Variants in AAMDC observed in about 807,000 individuals in gnomAD.
The protein encoded by AAMDC is adipogenesis associated Mth938 domain containing.
A neutral mutation model predicts 15.5 loss-of-function variants in AAMDC; 16 were observed. That is an observed-to-expected ratio of 1.03 (90% CI 0.70 to 1.57). The LOEUF (loss-of-function observed/expected upper bound fraction) is 1.57. Ranked by LOEUF, AAMDC falls within the 40% of genes most tolerant of loss-of-function variation. The pLI is 0.00. For missense variants in AAMDC, 141 were observed against 144.9 expected (o/e 0.97, Z 0.14); for synonymous variants, 51 against 51.6 (o/e 0.99, Z 0.05).
At chr11:77,821,967 A>C (rs1948928019) in intron 1 of AAMDC, among the ~76,000 whole-genome samples, 1 of 152,130 alleles carries the variant, frequency 6.6e-6, no homozygotes, top group African/African-American at 2.4e-5. Context: ...TTACTAGATA[A>C]ATCACAGTAA....
chr11:77,876,460 T>C (rs1218783735), downstream of AAMDC, among the ~76,000 whole-genome samples: 1 of 151,486 alleles, frequency 6.6e-6, no homozygotes, highest in Non-Finnish European at 1.5e-5. Context: ...AAAACTAAAA[T>C]TCTCATGTTC....
chr11:77,830,876 C>A (rs1442423040), intron 1 of AAMDC, among the ~76,000 whole-genome samples: 1 of 151,124 alleles, frequency 6.6e-6, no homozygotes, highest in African/African-American at 2.4e-5. Context: ...CACAGTGGCT[C>A]ATACCTGTAA....
At chr11:77,900,399 A>G (rs1952739424) in intron 5 of AAMDC, among the ~76,000 whole-genome samples, 1 of 152,122 alleles carries the variant, frequency 6.6e-6, no homozygotes, top group Non-Finnish European at 1.5e-5. Flanking sequence ...ACACCCGGCC[A>G]CATATGAATA....
intron 1 of AAMDC, chr11:77,841,289 C>T (rs1590938146): frequency 8.6e-6 from 6 of 700,410 alleles, no homozygotes; most frequent in Non-Finnish European, 1.6e-5. Flanking sequence ...AGGGTGCAGA[C>T]ATTCAAACCA....
chr11:77,905,499 G>C (rs1279129565), downstream of AAMDC, among the ~76,000 whole-genome samples: 1 of 151,780 alleles, frequency 6.6e-6, no homozygotes, highest in Admixed American at 6.6e-5. Context: ...GGACTCTCTG[G>C]GTTCTGCTGC....
chr11:77,905,386 G>A (rs1952916038), downstream of AAMDC, among the ~76,000 whole-genome samples: 1 of 151,962 alleles, frequency 6.6e-6, no homozygotes, highest in Non-Finnish European at 1.5e-5. Context: ...GAACCCAAGA[G>A]GCAGAGGTTG....
intron 1 of AAMDC, among the ~76,000 whole-genome samples, chr11:77,835,013 T>C (rs1237272369): frequency 6.6e-6 from 1 of 152,216 alleles, no homozygotes; most frequent in Non-Finnish European, 1.5e-5. Flanking sequence ...ATCTGATTTA[T>C]AAGGATAAAT....
chr11:77,872,265 T>G lies in AAMDC; in HGVS notation c.319T>G (p.Leu107Val). ...GCAGGCAGTGAAGGAGTATAATGCC[T>G]TGGTTGCCCAAGGGGTCAGGGTGGG... ...TEQAVKEYNALVAQGVRVGGV... is the reference protein window; with the variant it reads ...TEQAVKEYNAVVAQGVRVGGV... The change falls in exon 4 of 4, where the codon TTG becomes GTG. Residue 107 changes from leucine to valine, a missense_variant. Physicochemically the swap from Leu to Val is conservative, Grantham distance 32. Transcript: ENST00000393427. 1 of 1,613,602 alleles carries G rather than the reference T, an allele frequency of 6.2e-7. No homozygotes were observed. Among genetic ancestry groups the G allele is most frequent in the Non-Finnish European group, 8.5e-7 (1 of 1,179,772 alleles).
intron 1 of AAMDC, among the ~76,000 whole-genome samples, chr11:77,823,655 C>T (rs1949041934): frequency 6.6e-6 from 1 of 150,802 alleles, no homozygotes. Context: ...ATAATTTGAC[C>T]CAGAATACAG....
chr11:77,893,710 T>G (rs1377096844), intron 5 of AAMDC, among the ~76,000 whole-genome samples: 2 of 152,072 alleles, frequency 1.3e-5, no homozygotes, highest in Middle Eastern at 3.4e-3. Context: ...CTGGCCAACA[T>G]GATGAAACCC....
intron 5 of AAMDC, among the ~76,000 whole-genome samples, chr11:77,886,448 G>T (rs1489741267): frequency 6.6e-6 from 1 of 152,170 alleles, no homozygotes; most frequent in Non-Finnish European, 1.5e-5. Flanking sequence ...CCCGCGGCGG[G>T]TGTTGATGCC....
At chr11:77,863,865 G>A (rs1282811178) in intron 2 of AAMDC, among the ~76,000 whole-genome samples, 1 of 151,894 alleles carries the variant, frequency 6.6e-6, no homozygotes, top group African/African-American at 2.4e-5. Context: ...TCTTATTACG[G>A]GATTAAAATT....
intron 2 of AAMDC, among the ~76,000 whole-genome samples, chr11:77,858,972 CCTGA>C (rs573585077): frequency 3.1e-4 from 47 of 152,244 alleles, no homozygotes; most frequent in Non-Finnish European, 5.6e-4. Flanking sequence ...CTTTACAGGC[CCTGA>C]CTATCTGCTT....
chr11:77,885,365 C>A (rs942165323), intron 5 of AAMDC, among the ~76,000 whole-genome samples: 1 of 152,086 alleles, frequency 6.6e-6, no homozygotes, highest in African/African-American at 2.4e-5. Context: ...GCGTGAGCCA[C>A]CACACCTGGC....
At chr11:77,890,033 C>T (rs1016508730) in intron 5 of AAMDC, among the ~76,000 whole-genome samples, 1 of 152,138 alleles carries the variant, frequency 6.6e-6, no homozygotes, top group African/African-American at 2.4e-5. Context: ...TCCATAGGCC[C>T]TATTCTCAGG....
At chr11:77,883,335 C>T (rs544723101) in intron 5 of AAMDC, among the ~76,000 whole-genome samples, 1 of 152,272 alleles carries the variant, frequency 6.6e-6, no homozygotes, top group Admixed American at 6.5e-5. Context: ...GAAATGTAAT[C>T]TCCTTTGTAC....
chr11:77,868,309 C>A (rs1184968551), intron 2 of AAMDC, among the ~76,000 whole-genome samples: 1 of 151,594 alleles, frequency 6.6e-6, no homozygotes, highest in Admixed American at 6.6e-5. Flanking sequence ...CCCGCCTCAG[C>A]CTCCCAAAGT....
downstream of AAMDC, among the ~76,000 whole-genome samples, chr11:77,873,996 A>C (rs1418984321): frequency 6.6e-6 from 1 of 152,242 alleles, no homozygotes; most frequent in African/African-American, 2.4e-5. Context: ...TACAGGGACC[A>C]ATCTATAGAC....
At chr11:77,885,072 T>C (rs1267448311) in intron 5 of AAMDC, among the ~76,000 whole-genome samples, 1 of 151,738 alleles carries the variant, frequency 6.6e-6, no homozygotes, top group East Asian at 2.0e-4. Context: ...CCCTTATTTC[T>C]TTTTCTTTTT....
Sources: gnomAD v4.1 joint callset for allele counts (sites outside exome capture counted in the v4.1 genomes callset) on GRCh38, gnomAD v4.1.1 for gene constraint, MANE v1.5 for transcripts, NCBI Gene and HGNC (gene_info 2026-07-23, HGNC 2026-07-21) for gene names.